Variants in CDH12 observed in about 807,000 individuals in gnomAD.
CDH12 encodes cadherin-12.
CDH12 carries 41 observed loss-of-function variants against 74.1 expected under a neutral mutation model. The observed-to-expected ratio is 0.55, with a 90% CI of 0.43 to 0.72. The LOEUF (loss-of-function observed/expected upper bound fraction) is 0.72. CDH12 is among the 30% of genes least tolerant of loss of function. The probability of loss-of-function intolerance (pLI) is 0.00; values close to 1 mark genes in which losing one functional copy is unlikely to be tolerated. For synonymous variants in CDH12, 399 were observed against 355.0 expected, an observed-to-expected ratio of 1.12 and a Z score of -1.39; for missense variants, 945 against 977.2, an observed-to-expected ratio of 0.97 and a Z score of 0.44.
intron 1 of CDH12, among the ~76,000 whole-genome samples, chr5:22,782,362 G>T (rs118190484): frequency 3.3e-5 from 5 of 152,090 alleles, no homozygotes; most frequent in African/African-American, 1.2e-4. Context: ...GGTTTCCCCC[G>T]TGCTGTTCTC....
At chr5:22,260,238 G>C (rs1753460885) in intron 3 of CDH12, among the ~76,000 whole-genome samples, 1 of 152,026 alleles carries the variant, frequency 6.6e-6, no homozygotes, top group Non-Finnish European at 1.5e-5. Flanking sequence ...GTGTGTGTTT[G>C]TGCACCCATG....
At chr5:22,514,430 T>C (rs1736726858) in intron 1 of CDH12, among the ~76,000 whole-genome samples, 1 of 152,156 alleles carries the variant, frequency 6.6e-6, no homozygotes, top group Non-Finnish European at 1.5e-5. Context: ...AAGTGACTCA[T>C]TTAGCATCTA....
At chr5:22,063,995 AC>A (rs1741379682) in intron 5 of CDH12, among the ~76,000 whole-genome samples, 1 of 141,834 alleles carries the variant, frequency 7.1e-6, no homozygotes, top group Non-Finnish European at 1.5e-5. Flanking sequence ...AGATACACAC[AC>A]ACACACACAC....
At chr5:22,623,489 C>T (rs1211974766) in intron 1 of CDH12, among the ~76,000 whole-genome samples, 4 of 152,130 alleles carry the variant, frequency 2.6e-5, no homozygotes, top group Non-Finnish European at 5.9e-5. Flanking sequence ...AATCAATGTG[C>T]AAAAATCACA....
intron 13 of CDH12, among the ~76,000 whole-genome samples, chr5:21,756,799 G>T (rs996871828): frequency 1.3e-5 from 2 of 152,038 alleles, no homozygotes; most frequent in East Asian, 3.9e-4. Context: ...CAGTTGTGCA[G>T]GTCTGTCACA....
In CDH12 at chr5:21,961,712, G is replaced by A. The variant is rs187884571; in HGVS notation, c.526+13379C>T. 1.8e-4 allele frequency among the ~76,000 whole-genome samples: 28 copies of A among 152,218 alleles called. No individual in the cohort carries two copies. In the East Asian group the frequency reaches 3.7e-3, roughly 20 times the overall value. ...ATGAAGAAAGCCATCTAAAAGCCAC[G>A]GAGAGATGTCTAGAACAGATTCTTC... On this transcript the variant is annotated intron_variant, in intron 6 of 14. Coordinates refer to ENST00000382254, the MANE Select transcript of CDH12 (RefSeq NM_004061.5).
chr5:22,060,810 C>T (rs970764490), intron 5 of CDH12, among the ~76,000 whole-genome samples: 5 of 152,038 alleles, frequency 3.3e-5, no homozygotes, highest in African/African-American at 1.2e-4. Flanking sequence ...CATGCTTCTA[C>T]CCAGTAAAAT....
At chr5:22,831,723 C>T (rs545878509) in intron 1 of CDH12, among the ~76,000 whole-genome samples, 18 of 151,742 alleles carry the variant, frequency 1.2e-4, no homozygotes, top group African/African-American at 4.4e-4. Flanking sequence ...GGTGAAACCC[C>T]GTCTCGACTA....
At chr5:22,482,971 AT>A (rs1165630835) in intron 2 of CDH12, among the ~76,000 whole-genome samples, 1 of 152,160 alleles carries the variant, frequency 6.6e-6, no homozygotes, top group African/African-American at 2.4e-5. Context: ...CTAGCTGGTA[AT>A]TTAGTCAAGT....
intron 6 of CDH12, among the ~76,000 whole-genome samples, chr5:21,875,878 C>T (rs1461294585): frequency 3.4e-5 from 5 of 147,376 alleles, no homozygotes; most frequent in Non-Finnish European, 7.4e-5. Context: ...CTTACGTTTA[C>T]CTTTCTTCTT....
At chr5:22,113,526 G>A (rs566410571) in intron 4 of CDH12, among the ~76,000 whole-genome samples, 1 of 152,010 alleles carries the variant, frequency 6.6e-6, no homozygotes. Flanking sequence ...GGAAGTCCCT[G>A]CTTGAGTTGT....
At chr5:22,400,836 T>C (rs79886867) in intron 3 of CDH12, among the ~76,000 whole-genome samples, 6 of 152,066 alleles carry the variant, frequency 3.9e-5, no homozygotes, top group African/African-American at 1.4e-4. Context: ...CCTTTCTTAT[T>C]TGATCTGCTC....
intron 4 of CDH12, among the ~76,000 whole-genome samples, chr5:22,206,226 G>A (rs1489780263): frequency 3.9e-5 from 6 of 152,092 alleles, no homozygotes; most frequent in African/African-American, 1.4e-4. Context: ...ATCACCAGTA[G>A]CATCAACCTC....
At chr5:22,495,963 A>T (rs1238118971) in intron 2 of CDH12, among the ~76,000 whole-genome samples, 5 of 152,222 alleles carry the variant, frequency 3.3e-5, no homozygotes, top group African/African-American at 7.2e-5. Context: ...TTTCTTATAG[A>T]CCAGGCACTG....
intron 2 of CDH12, among the ~76,000 whole-genome samples, chr5:22,475,983 A>G (rs1479940575): frequency 6.6e-6 from 1 of 152,062 alleles, no homozygotes; most frequent in Non-Finnish European, 1.5e-5. Context: ...TCTAAATGCT[A>G]AATCCTCTGC....
At chr5:22,847,570 A>G (rs532612541) in intron 1 of CDH12, among the ~76,000 whole-genome samples, 3 of 152,334 alleles carry the variant, frequency 2.0e-5, no homozygotes, top group Non-Finnish European at 4.4e-5. Context: ...TCTGGTTTTC[A>G]ACATTTACTG....
chr5:22,229,755 T>A (rs922517433), intron 3 of CDH12, among the ~76,000 whole-genome samples: 1 of 152,102 alleles, frequency 6.6e-6, no homozygotes, highest in African/African-American at 2.4e-5. Flanking sequence ...GTATACCATG[T>A]TCCATCTGCA....
chr5:21,872,921 C>CTATCT (rs1554039681), intron 6 of CDH12, among the ~76,000 whole-genome samples: 1 of 149,598 alleles, frequency 6.7e-6, no homozygotes, highest in African/African-American at 2.5e-5. Flanking sequence ...ATCTATCTAT[C>CTATCT]ATCTTCCTAT....
chr5:22,145,880 GCACAA>G (rs1747140753), intron 4 of CDH12, among the ~76,000 whole-genome samples: 1 of 152,046 alleles, frequency 6.6e-6, no homozygotes, highest in Admixed American at 6.6e-5. Context: ...AATTTCTGAA[GCACAA>G]CACAGCTCAG....
Sources: allele counts gnomAD v4.1 joint callset (sites outside exome capture counted in the v4.1 genomes callset), GRCh38; gene constraint gnomAD v4.1.1; transcripts MANE v1.5; gene names NCBI Gene and HGNC (gene_info 2026-07-23, HGNC 2026-07-21).